Variants in CA10 observed in about 807,000 individuals in gnomAD.
CA10 encodes the protein carbonic anhydrase-related protein 10.
Under a neutral mutation model 44.2 loss-of-function variants are expected in CA10, and 14 were observed. The ratio of observed to expected loss-of-function variants is 0.32; its 90% CI spans 0.21 to 0.50. The LOEUF is 0.50. Among genes scored for constraint, CA10 ranks in the 20% least tolerant of loss-of-function variants. CA10 has a pLI of 0.99. For synonymous variants in CA10, 159 were observed against 141.6 expected (o/e 1.12, Z -0.87); for missense variants, 350 against 409.7 (o/e 0.85, Z 1.26).
intron 2 of CA10, among the ~76,000 whole-genome samples, chr17:51,944,193 G>A (rs1328557656): frequency 1.3e-5 from 2 of 152,164 alleles, no homozygotes; most frequent in African/African-American, 4.8e-5. Context: ...CGGTCATAAT[G>A]GCTTATTCAC....
At chr17:52,046,307 G>A (rs570394113) in intron 2 of CA10, among the ~76,000 whole-genome samples, 52 of 103,040 alleles carry the variant, frequency 5.0e-4, no homozygotes, top group African/African-American at 1.5e-3. Context: ...TAAGCTTCTA[G>A]TAAAAAAAAA....
intron 2 of CA10, among the ~76,000 whole-genome samples, chr17:52,034,548 G>A (rs994934729): frequency 2.0e-5 from 3 of 152,150 alleles, no homozygotes; most frequent in Non-Finnish European, 4.4e-5. Context: ...ATCTGATAGA[G>A]CTGGGGGATG....
At chr17:51,958,034 T>C (rs1178173765) in intron 2 of CA10, among the ~76,000 whole-genome samples, 1 of 152,140 alleles carries the variant, frequency 6.6e-6, no homozygotes, top group Non-Finnish European at 1.5e-5. Context: ...CTCTGTGTCC[T>C]TTACTCTTAG....
At chr17:52,088,032 A>C (rs1988164962) in intron 1 of CA10, among the ~76,000 whole-genome samples, 1 of 152,194 alleles carries the variant, frequency 6.6e-6, no homozygotes, top group Non-Finnish European at 1.5e-5. Flanking sequence ...TGATGAGAGC[A>C]CATGGACACA....
intron 1 of CA10, among the ~76,000 whole-genome samples, chr17:52,149,555 A>G (rs2143407842): frequency 6.6e-6 from 1 of 152,318 alleles, no homozygotes; most frequent in South Asian, 2.1e-4. Context: ...TGACTGCTGG[A>G]AATCCTTTAA....
chr17:52,025,026 C>A (rs1986256957), intron 2 of CA10, among the ~76,000 whole-genome samples: 1 of 152,064 alleles, frequency 6.6e-6, no homozygotes, highest in South Asian at 2.1e-4. Context: ...TTTACCTTGA[C>A]CTTAATATAC....
At chr17:51,740,678 C>T (rs1475839861) in intron 4 of CA10, among the ~76,000 whole-genome samples, 1 of 152,200 alleles carries the variant, frequency 6.6e-6, no homozygotes, top group Non-Finnish European at 1.5e-5. Context: ...ACCTCTCCGA[C>T]CTCCTTCCCC....
At chr17:51,924,882 G>C (rs1281883768) in intron 3 of CA10, among the ~76,000 whole-genome samples, 1 of 152,102 alleles carries the variant, frequency 6.6e-6, no homozygotes, top group Admixed American at 6.5e-5. Flanking sequence ...ATAATCCCCA[G>C]GTATCCAGAA....
intron 7 of CA10, among the ~76,000 whole-genome samples, chr17:51,634,546 A>G (rs896298569): frequency 6.6e-6 from 1 of 152,260 alleles, no homozygotes; most frequent in Middle Eastern, 3.4e-3. Flanking sequence ...CCCCCTCTCA[A>G]TAAAGAAGAG....
chr17:52,005,528 A>G (rs532557291), intron 2 of CA10, among the ~76,000 whole-genome samples: 1 of 152,016 alleles, frequency 6.6e-6, no homozygotes, highest in Non-Finnish European at 1.5e-5. Context: ...TCTTTAGGGT[A>G]CTTTGTCAAT....
At chr17:51,746,950 A>C (rs1330954731) in intron 4 of CA10, among the ~76,000 whole-genome samples, 1 of 152,224 alleles carries the variant, frequency 6.6e-6, no homozygotes, top group African/African-American at 2.4e-5. Flanking sequence ...AGGACCCCTG[A>C]TCTCTAGTTC....
chr17:51,815,782 A>AGT (rs149094529), intron 3 of CA10, among the ~76,000 whole-genome samples: 38,967 of 150,402 alleles, frequency 0.26, 5,202 homozygotes, highest in Middle Eastern at 0.39. Flanking sequence ...GCAGGTACAC[A>AGT]GTGTGTGTGT....
At chr17:51,850,342 T>C (rs1218675906) in intron 3 of CA10, among the ~76,000 whole-genome samples, 1 of 152,106 alleles carries the variant, frequency 6.6e-6, no homozygotes, top group East Asian at 1.9e-4. Flanking sequence ...AGTCAAATGG[T>C]CTTGGAATAA....
chr17:52,132,016 G>T (rs757226417), intron 1 of CA10, among the ~76,000 whole-genome samples: 4 of 151,816 alleles, frequency 2.6e-5, no homozygotes, highest in Non-Finnish European at 4.4e-5. Flanking sequence ...GTTGTGGGGT[G>T]GGGGAAAGGG....
intron 3 of CA10, among the ~76,000 whole-genome samples, chr17:51,874,994 C>CTTTTCTTTTCTTTTCTTTTCTTTTCTT: frequency 6.9e-6 from 1 of 144,372 alleles, no homozygotes; most frequent in African/African-American, 2.6e-5. Flanking sequence ...CTTTTCTTTT[C>CTTTTCTTTTCTTTTCTTTTCTTTTCTT]TTTTCTTAGG....
intron 2 of CA10, among the ~76,000 whole-genome samples, chr17:51,966,159 G>T (rs1365800690): frequency 3.3e-5 from 5 of 151,650 alleles, no homozygotes; most frequent in Admixed American, 2.0e-4. Flanking sequence ...TAACCAAGGA[G>T]GTGAGAGATC....
chr17:51,995,455 A>G (rs1265506345), intron 2 of CA10, among the ~76,000 whole-genome samples: 1 of 152,106 alleles, frequency 6.6e-6, no homozygotes, highest in Non-Finnish European at 1.5e-5. Context: ...ATTTAACTAA[A>G]TAATTGAAAT....
At chr17:52,142,760 C>G (rs192996434) in intron 1 of CA10, among the ~76,000 whole-genome samples, 41 of 152,174 alleles carry the variant, frequency 2.7e-4, no homozygotes, top group Non-Finnish European at 1.2e-4. Flanking sequence ...ATATTCCTCA[C>G]AACCTCCTCA....
chr17:51,887,094 A>G (rs1316899352), intron 3 of CA10, among the ~76,000 whole-genome samples: 1 of 152,130 alleles, frequency 6.6e-6, no homozygotes, highest in Non-Finnish European at 1.5e-5. Flanking sequence ...CAATTCCTAT[A>G]ATAAACCTCC....
Sources: gnomAD v4.1 joint callset for allele counts (sites outside exome capture counted in the v4.1 genomes callset) on GRCh38, gnomAD v4.1.1 for gene constraint, MANE v1.5 for transcripts, NCBI Gene and HGNC (gene_info 2026-07-23, HGNC 2026-07-21) for gene names.